The following RIT2 variants were observed in gnomAD, a reference collection of about 807,000 sequenced individuals.
The protein encoded by RIT2 is GTP-binding protein Rit2.
Under a neutral mutation model 23.7 loss-of-function variants are expected in RIT2, and 24 were observed. The ratio of observed to expected loss-of-function variants is 1.01; its 90% CI spans 0.73 to 1.43. The LOEUF is 1.43. Ranked by LOEUF, RIT2 falls within the 40% of genes most tolerant of loss-of-function variation. The pLI is 0.00. For missense variants in RIT2, 236 were observed against 266.9 expected, an observed-to-expected ratio of 0.88 and a Z score of 0.81; for synonymous variants, 107 against 91.1, an observed-to-expected ratio of 1.17 and a Z score of -0.99.
chr18:43,040,850 A>G lies in RIT2; in HGVS notation c.104-6983T>C, dbSNP rs561078623. 9.8e-5 allele frequency among the ~76,000 whole-genome samples: 15 copies of G among 152,316 alleles called. No homozygotes were observed. In the South Asian group the frequency reaches 3.1e-3, roughly 32 times the overall value. On this transcript the variant is annotated intron_variant, in intron 1 of 4. Transcript: ENST00000326695. ...AAAAAAATCATTTTCTGAAAAAAAT[A>G]ACTTTGGCTTTAATGTTACTCTGTA... is the stretch of plus-strand genomic sequence containing the variant.
At chr18:42,796,606 T>A (rs1171491081) in intron 4 of RIT2, among the ~76,000 whole-genome samples, 1 of 152,240 alleles carries the variant, frequency 6.6e-6, no homozygotes, top group Non-Finnish European at 1.5e-5. Context: ...ATATTTTCTG[T>A]TAGTGATTTT....
rs532231639 is a variant in RIT2 at position 42,898,419 on chromosome 18, A to G, written c.426+25153T>C. Among the ~76,000 whole-genome samples, 3 of 152,240 alleles carry G rather than the reference A, an allele frequency of 2.0e-5. No homozygotes were observed. In the South Asian group the frequency reaches 6.2e-4, roughly 32 times the overall value. On this transcript the variant is annotated intron_variant, in intron 4 of 4. Coordinates refer to ENST00000326695, the MANE Select transcript of RIT2 (RefSeq NM_002930.4). ...AACAAAATCAACAACAAAAAAGAGA[A>G]GTGTGGGCAATTGTATAGTCTTCTT...
chr18:42,924,596 A>G (rs1023374798), intron 3 of RIT2, among the ~76,000 whole-genome samples: 10 of 152,134 alleles, frequency 6.6e-5, no homozygotes, highest in African/African-American at 2.4e-4. Context: ...AGAAGCAATG[A>G]AAAATATGAA....
intron 4 of RIT2, among the ~76,000 whole-genome samples, chr18:42,783,947 A>C (rs1913869525): frequency 6.6e-6 from 1 of 152,056 alleles, no homozygotes; most frequent in Non-Finnish European, 1.5e-5. Flanking sequence ...TGAAACCTTC[A>C]ATTAATCACC....
intron 4 of RIT2, among the ~76,000 whole-genome samples, chr18:42,767,589 G>A (rs910930837): frequency 3.9e-5 from 6 of 152,130 alleles, no homozygotes; most frequent in Non-Finnish European, 7.4e-5. Context: ...ATGCTGAAAT[G>A]AATTAAGACT....
chr18:42,777,876 G>A (rs1050015656), intron 4 of RIT2, among the ~76,000 whole-genome samples: 5 of 152,058 alleles, frequency 3.3e-5, no homozygotes, highest in African/African-American at 1.2e-4. Context: ...ATAATCTCTT[G>A]CTACATGATA....
At chr18:42,859,920 G>A (rs9964120) in intron 4 of RIT2, among the ~76,000 whole-genome samples, 28,675 of 151,536 alleles carry the variant, frequency 0.19, 3,047 homozygotes, top group African/African-American at 0.28. Flanking sequence ...CAGGTGCTAT[G>A]TGACTATGAA....
chr18:42,854,799 A>G (rs985357210), intron 4 of RIT2, among the ~76,000 whole-genome samples: 5 of 152,194 alleles, frequency 3.3e-5, no homozygotes, highest in South Asian at 2.1e-4. Flanking sequence ...GCCTTACTGT[A>G]TCCATCAATC....
intron 4 of RIT2, among the ~76,000 whole-genome samples, chr18:42,762,581 T>C (rs1380293428): frequency 6.6e-6 from 1 of 152,194 alleles, no homozygotes; most frequent in Non-Finnish European, 1.5e-5. Context: ...TTTCAAGTCT[T>C]AGTTTGTCCC....
At chr18:42,922,825 C>T (rs1453193903) in intron 4 of RIT2, among the ~76,000 whole-genome samples, 1 of 152,114 alleles carries the variant, frequency 6.6e-6, no homozygotes, top group Non-Finnish European at 1.5e-5. Flanking sequence ...CACATTGATA[C>T]AGCAGATGCA....
At chr18:42,898,591 T>C (rs886577882) in intron 4 of RIT2, among the ~76,000 whole-genome samples, 6 of 152,180 alleles carry the variant, frequency 3.9e-5, no homozygotes, top group Admixed American at 3.9e-4. Context: ...AAATATTATG[T>C]TATTATATAA....
At chr18:42,896,327 C>A (rs1384065128) in intron 4 of RIT2, among the ~76,000 whole-genome samples, 2 of 152,158 alleles carry the variant, frequency 1.3e-5, no homozygotes, top group South Asian at 2.1e-4. Flanking sequence ...GATTCAACGT[C>A]CACTTCAAAT....
rs201709425 is a variant in RIT2 at position 43,031,189 on chromosome 18, T to A, written c.160+2622A>T. On this transcript the variant is annotated intron_variant, in intron 2 of 4. Transcript: ENST00000326695. The stretch of plus-strand genomic sequence containing the variant: ...TAGCAATCCCTCCTCTTCACCAGCC[T>A]AATTCCTATGCATCTTTCAAAAATA... Among the ~76,000 whole-genome samples, 5 of 151,986 alleles carry A rather than the reference T, an allele frequency of 3.3e-5. No homozygotes were observed. The East Asian group carries it at 9.7e-4, about 29-fold the overall frequency.
At chr18:43,014,443 T>C (rs958111139) in intron 2 of RIT2, among the ~76,000 whole-genome samples, 1 of 151,668 alleles carries the variant, frequency 6.6e-6, no homozygotes, top group Non-Finnish European at 1.5e-5. Context: ...AGGAAAGTCA[T>C]TGAAAAATGT....
At chr18:42,900,007 A>C (rs886544201) in intron 4 of RIT2, among the ~76,000 whole-genome samples, 1 of 152,092 alleles carries the variant, frequency 6.6e-6, no homozygotes, top group Non-Finnish European at 1.5e-5. Flanking sequence ...AAAAACAATT[A>C]ATAAAATTTA....
intron 1 of RIT2, among the ~76,000 whole-genome samples, chr18:43,080,043 C>G (rs893732874): frequency 1.3e-5 from 2 of 152,166 alleles, no homozygotes; most frequent in African/African-American, 4.8e-5. Context: ...AGAGAGGGAA[C>G]TGAAGCTTTA....
At chr18:42,812,763 A>G (rs1316908998) in intron 4 of RIT2, among the ~76,000 whole-genome samples, 1 of 152,198 alleles carries the variant, frequency 6.6e-6, no homozygotes, top group Non-Finnish European at 1.5e-5. Context: ...CTGATTGGAT[A>G]GACTGATTTA....
chr18:43,011,474 C>T (rs1388739821), intron 2 of RIT2, among the ~76,000 whole-genome samples: 3 of 150,040 alleles, frequency 2.0e-5, no homozygotes, highest in Non-Finnish European at 4.4e-5. Context: ...CAGTCTAGCT[C>T]CACCTTTTAT....
intron 1 of RIT2, among the ~76,000 whole-genome samples, chr18:43,084,374 C>T (rs1913232359): frequency 6.6e-6 from 1 of 152,142 alleles, no homozygotes; most frequent in Admixed American, 6.5e-5. Flanking sequence ...ACCCAGCAAT[C>T]CCATTACTGA....
Sources: gnomAD v4.1 joint callset for allele counts (sites outside exome capture counted in the v4.1 genomes callset) on GRCh38, gnomAD v4.1.1 for gene constraint, MANE v1.5 for transcripts, NCBI Gene and HGNC (gene_info 2026-07-23, HGNC 2026-07-21) for gene names.